COG4: variants seen among roughly 807,000 people sequenced by gnomAD.
COG4 encodes component of oligomeric golgi complex 4.
COG4 carries 65 observed loss-of-function variants against 95.1 expected under a neutral mutation model. That is an observed-to-expected ratio of 0.68 (90% CI 0.56 to 0.84). The LOEUF is 0.84. Among genes scored for constraint, COG4 ranks in the 40% least tolerant of loss-of-function variants. The pLI is 0.00. For missense variants in COG4, 1,045 were observed against 989.1 expected (o/e 1.06, Z -0.76); for synonymous variants, 421 against 374.8 (o/e 1.12, Z -1.42).
At chr16:70,494,711 A>C (rs996525911) in intron 12 of COG4, among the ~76,000 whole-genome samples, 3 of 152,200 alleles carry the variant, frequency 2.0e-5, no homozygotes, top group Admixed American at 6.5e-5. Flanking sequence ...GCCAATGATT[A>C]TTTCTGAGCA....
At position 70,509,902 on chromosome 16, in the gene COG4, A is replaced by C. The variant is rs761971733; in HGVS notation, c.844+14T>G. 1.9e-6 allele frequency: 3 copies of C among 1,601,464 alleles called. No homozygotes were observed. The Admixed American group carries it at 5.0e-5, about 27-fold the overall frequency. On this transcript the variant is annotated intron_variant, in intron 6 of 18. Coordinates refer to ENST00000323786, the MANE Select transcript of COG4 (RefSeq NM_015386.3). ...ACAGTCTCCAGTCTCTCTAGAGCGG[A>C]GAAAGAGGCTCACCTTCAAACAGAA...
intron 12 of COG4, among the ~76,000 whole-genome samples, chr16:70,493,893 A>G (rs2049292511): frequency 6.6e-6 from 1 of 152,140 alleles, no homozygotes; most frequent in South Asian, 2.1e-4. Context: ...ATGATGAGGA[A>G]GGCAGGGGTG....
rs1330478415 is a variant in COG4, at chr16:70,503,835, C to T, written c.1062-2744G>A. 1.6e-5 allele frequency among the ~76,000 whole-genome samples: 2 copies of T among 122,878 alleles called. 1 individual carries two copies. Among genetic ancestry groups the T allele is most frequent in the African/African-American group, 1.4e-4 (2 of 14,496 alleles). 80.6% of individuals were successfully genotyped at this position (122,878 alleles called of 152,430 possible). A position where few individuals can be genotyped will look rare whatever the true frequency, so the allele number is the denominator to read the frequency against. ...GGTCTCGATCTCCTGACCTCGTGAT[C>T]CGCCCGCCTCGGCCTCCCAAAGTGC... On this transcript the variant is annotated intron_variant, in intron 8 of 18. Transcript: ENST00000323786.
intron 8 of COG4, 87 bp downstream of exon 8, chr16:70,508,319 A>ACCAC (rs1398857741): frequency 2.2e-5 from 24 of 1,093,884 alleles, no homozygotes; most frequent in South Asian, 1.6e-4. Flanking sequence ...AAAAACATAG[A>ACCAC]CCACATTGTA....
intron 1 of COG4, 51 bp downstream of exon 1, chr16:70,523,322 C>A: frequency 6.2e-7 from 1 of 1,606,442 alleles, no homozygotes; most frequent in Non-Finnish European, 8.5e-7. Context: ...CGACTGAAGG[C>A]TCCCACTCTC....
Position 70,514,369 on chromosome 16 carries a change from CT to C in COG4, c.509del (p.Lys170SerfsTer15). The C allele has an allele frequency of 6.2e-7, 1 of 1,614,174 alleles. No individual in the cohort carries two copies. Among genetic ancestry groups the C allele is most frequent in the South Asian group, 1.1e-5 (1 of 91,086 alleles). The stretch of plus-strand genomic sequence containing the variant: ...CCTGTCGGCTGAGCTCAATGACCGA[CT>C]TGTCCAGGCACAAGTAGCGATGAGT... ...AHTHRYLCLDKSVIELSRQGK... is the reference protein window; with the variant it reads ...AHTHRYLCLDXSVIELSRQGK... On this transcript the variant is annotated frameshift_variant, in exon 4 of 19. Coordinates refer to ENST00000323786, the MANE Select transcript of COG4 (RefSeq NM_015386.3). LOFTEE classifies it high-confidence loss of function.
At chr16:70,489,160 A>G (rs759556356) in intron 13 of COG4, among the ~76,000 whole-genome samples, 2 of 151,912 alleles carry the variant, frequency 1.3e-5, no homozygotes, top group Non-Finnish European at 2.9e-5. Context: ...GGCAAACCTT[A>G]TCTTAATCTC....
intron 12 of COG4, among the ~76,000 whole-genome samples, chr16:70,491,455 A>G (rs1261898134): frequency 7.9e-6 from 1 of 126,614 alleles, no homozygotes; most frequent in Non-Finnish European, 1.6e-5. Context: ...GGGAGATGAG[A>G]GGTTGCAGTG....
intron 8 of COG4, among the ~76,000 whole-genome samples, chr16:70,503,510 T>C (rs1482938220): frequency 6.6e-6 from 1 of 152,196 alleles, no homozygotes; most frequent in Admixed American, 6.5e-5. Context: ...CTGGCCTTCT[T>C]TCAGTTTTTA....
chr16:70,519,657 G>C lies in COG4; in HGVS notation c.246C>G (p.His82Gln). Residue 82 changes from histidine (H) to glutamine (Q), a missense_variant, in exon 2 of 19, where the codon CAC becomes CAG. Physicochemically the swap from His to Gln is conservative, Grantham distance 24. Coordinates refer to ENST00000323786, the MANE Select transcript of COG4 (RefSeq NM_015386.3). The stretch of plus-strand genomic sequence containing the variant: ...GAGATGCACAGACTCACCCCATTCG[G>C]TGGAGAGTGACCATCTTACTTTCAA... ...NTIESKMVTL[H>Q]RMGPNLQLIE... is the part of the protein sequence containing the mutation. 1 of 1,612,524 alleles carries C rather than the reference G, an allele frequency of 6.2e-7. No individual in the cohort carries two copies. The highest frequency in any genetic ancestry group is 1.3e-5 in the African/African-American group (1 of 75,024).
chr16:70,517,393 G>C (rs1158250236), intron 3 of COG4, among the ~76,000 whole-genome samples: 1 of 151,428 alleles, frequency 6.6e-6, no homozygotes, highest in Non-Finnish European at 1.5e-5. Context: ...TTCAGGACCA[G>C]CCCGGGGAAC....
chr16:70,509,310 T>C lies in COG4; in HGVS notation c.923A>G (p.Lys308Arg), dbSNP rs2049648547. ...YGPGRLYTLIKYLQVECDRQV... is the reference protein window; with the variant it reads ...YGPGRLYTLIRYLQVECDRQV... ...TCTGTCACATTCCACCTGCAGATAT[T>C]TGATCAGGGTATAGAGTCTCCCTGG... Residue 308 changes from lysine (K) to arginine (R), a missense_variant, in exon 7 of 19, where the codon AAA (lysine) becomes AGA (arginine). By Grantham distance (26) the Lys-to-Arg change is conservative (BLOSUM62 2). Transcript: ENST00000323786. 3 of 1,614,094 alleles carry C rather than the reference T, an allele frequency of 1.9e-6. No individual in the cohort carries two copies. The highest frequency in any genetic ancestry group is 1.3e-5 in the African/African-American group (1 of 74,932).
At position 70,482,795 on chromosome 16, in the gene COG4, T is replaced by C. The variant is rs1436349192; in HGVS notation, c.1854A>G (p.Thr618=). The change falls in exon 15 of 19, where the codon ACA becomes ACG. Residue 618 remains threonine (T), a synonymous_variant. Coordinates refer to ENST00000323786, the MANE Select transcript of COG4 (RefSeq NM_015386.3). ...LQEGLTELNS[T]AIKPQVQPWI... ...AAGGCTGCACCTGTGGCTTGATGGC[T>C]GTGCTGTTGAGCTCCGTCAGCCCTT... is the stretch of plus-strand genomic sequence containing the variant. 15 of 1,613,846 alleles carry C rather than the reference T, an allele frequency of 9.3e-6. No individual in the cohort carries two copies. The highest frequency in any genetic ancestry group is 1.3e-5 in the Non-Finnish European group (15 of 1,179,874).
chr16:70,514,249 T>C (rs2049774921), intron 4 of COG4, 86 bp downstream of exon 4: 1 of 1,236,682 alleles, frequency 8.1e-7, no homozygotes, highest in Non-Finnish European at 1.2e-6. Context: ...TCCTAAAAAC[T>C]GATGTGTTTT....
intron 1 of COG4, 81 bp from the exon 2 acceptor site, chr16:70,519,812 G>C: frequency 1.9e-6 from 2 of 1,031,962 alleles, no homozygotes; most frequent in Non-Finnish European, 3.0e-6. Flanking sequence ...CTTAGCTGAA[G>C]GGTGAATCTC....
intron 13 of COG4, among the ~76,000 whole-genome samples, chr16:70,487,583 A>G (rs1180890080): frequency 2.0e-5 from 3 of 152,166 alleles, no homozygotes; most frequent in South Asian, 2.1e-4. Flanking sequence ...CTCCGTCTCA[A>G]AAAAAAACCA....
intron 1 of COG4, among the ~76,000 whole-genome samples, chr16:70,519,978 A>C (rs1009730042): frequency 7.2e-5 from 11 of 152,178 alleles, no homozygotes; most frequent in Non-Finnish European, 1.3e-4. Flanking sequence ...AATCAGTATC[A>C]TTAGCATAGT....
rs976251884 is a variant in COG4, at chr16:70,504,772, C to T, written c.1061+3634G>A. Among the ~76,000 whole-genome samples the T allele has an allele frequency of 6.5e-4, 99 of 151,660 alleles. 1 individual carries two copies. Among genetic ancestry groups the T allele is most frequent in the African/African-American group, 2.3e-3 (94 of 41,358 alleles). ...TAAAAATACAAAAATTTGCCAGGCACACTGGTGGGGCGCCTGTAATCCCAG... is the reference window on the plus strand; with the variant it reads ...TAAAAATACAAAAATTTGCCAGGCATACTGGTGGGGCGCCTGTAATCCCAG... On this transcript the variant is annotated intron_variant, in intron 8 of 18. Coordinates refer to ENST00000323786, the MANE Select transcript of COG4 (RefSeq NM_015386.3).
chr16:70,523,537 T>C lies in COG4; in HGVS notation c.7A>G (p.Thr3Ala), dbSNP rs754049384. MG[T>A]KMADLDSPPK... Reference sequence around the variant, plus strand: ...GGCGAATCAAGGTCCGCCATCTTGGTCCCCATTCGGCACTTCCGGTCCCGC... The same window carrying C: ...GGCGAATCAAGGTCCGCCATCTTGGCCCCCATTCGGCACTTCCGGTCCCGC... The change falls in exon 1 of 19, where the codon ACC becomes GCC. Residue 3 changes from threonine (T) to alanine (A), a missense_variant. Thr to Ala is a moderately conservative substitution (Grantham distance 58, BLOSUM62 0). Transcript: ENST00000323786. The C allele has an allele frequency of 3.7e-6, 6 of 1,613,344 alleles. No individual in the cohort carries two copies. In the South Asian group the frequency reaches 4.4e-5, roughly 12 times the overall value.
Sources: gnomAD v4.1 joint callset for allele counts (sites outside exome capture counted in the v4.1 genomes callset) on GRCh38, gnomAD v4.1.1 for gene constraint, MANE v1.5 for transcripts, NCBI Gene and HGNC (gene_info 2026-07-23, HGNC 2026-07-21) for gene names.